The following EXD1 variants were observed in gnomAD, a reference collection of about 807,000 sequenced individuals.
EXD1 encodes the protein exonuclease 3'-5' domain containing 1, also known as piRNA biogenesis protein EXD1.
A neutral mutation model predicts 49.1 loss-of-function variants in EXD1; 63 were observed. The observed-to-expected ratio is 1.28, with a 90% CI of 1.05 to 1.58. The LOEUF (loss-of-function observed/expected upper bound fraction) is 1.58, where lower values mean the gene tolerates loss of function less well. EXD1 is among the 40% of genes most tolerant of loss of function. EXD1 has a pLI of 0.00. For missense variants in EXD1, 748 were observed against 666.0 expected, an observed-to-expected ratio of 1.12 and a Z score of -1.36; for synonymous variants, 234 against 239.2, an observed-to-expected ratio of 0.98 and a Z score of 0.20.
At chr15:41,224,005 T>C (rs868589500) in intron 2 of EXD1, among the ~76,000 whole-genome samples, 2 of 152,266 alleles carry the variant, frequency 1.3e-5, no homozygotes, top group African/African-American at 4.8e-5. Context: ...TAGGTTAGAC[T>C]AAGTTCTCAC....
chr15:41,223,943 A>T (rs2047126137), intron 2 of EXD1, among the ~76,000 whole-genome samples: 1 of 152,092 alleles, frequency 6.6e-6, no homozygotes, highest in Non-Finnish European at 1.5e-5. Flanking sequence ...GGCTGGCCTT[A>T]AACTCCTGGC....
chr15:41,196,608 G>A (rs1453835521), intron 7 of EXD1, among the ~76,000 whole-genome samples: 1 of 151,552 alleles, frequency 6.6e-6, no homozygotes, highest in Non-Finnish European at 1.5e-5. Context: ...GAGCGTCCAT[G>A]TCCAGTGAGA....
chr15:41,191,670 TA>T, intron 9 of EXD1, 85 bp from the exon 10 acceptor site: 1 of 1,328,688 alleles, frequency 7.5e-7, no homozygotes, highest in South Asian at 1.5e-5. Context: ...GAGAAATGTC[TA>T]AATAACATTT....
At position 41,184,224 on chromosome 15, in the gene EXD1, C is replaced by G. The variant is rs150875623; in HGVS notation, c.1426G>C (p.Gly476Arg). The change falls in exon 12 of 12, where the codon GGG becomes CGG. Residue 476 changes from glycine (G) to arginine (R), a missense_variant. Transcript: ENST00000458580. ...TGAGTTATTCTCTGGTCCTCTGACC[C>G]CTTTGACTTTGTGCAAATGAGTTTG... is the stretch of plus-strand genomic sequence containing the variant. Reference protein sequence around the residue: ...SNKLICTKSKGSEDQRITQKE... With the variant: ...SNKLICTKSKRSEDQRITQKE... 57 of 1,614,170 alleles carry G rather than the reference C, an allele frequency of 3.5e-5. No homozygotes were observed. The East Asian group carries it at 6.2e-4, about 18-fold the overall frequency.
rs1443102955 is a variant in EXD1 at position 41,196,022 on chromosome 15, G to A, written c.550C>T (p.Arg184Ter). The A allele has an allele frequency of 2.6e-5, 42 of 1,612,106 alleles. No individual in the cohort carries two copies. The highest frequency in any genetic ancestry group is 3.2e-5 in the Non-Finnish European group (38 of 1,179,360). The change falls in exon 8 of 12, where the codon CGA becomes TGA. Residue 184 changes from arginine (R) to a stop codon, truncating the protein, a stop_gained. Transcript: ENST00000458580. LOFTEE classifies it high-confidence loss of function. Reference protein sequence around the residue: ...LCWLQVATNCRVYLFDIFLLG... With the variant: ...LCWLQVATNC ...AGGAAAATGTCAAATAAGTAAACTC[G>A]GCAATTTGTGGCCACCTACAATAGA...
intron 7 of EXD1, among the ~76,000 whole-genome samples, chr15:41,197,229 C>CTTTTTTT (rs976999245): frequency 3.8e-5 from 5 of 133,182 alleles, no homozygotes; most frequent in African/African-American, 5.5e-5. Context: ...TTTCTTTTTT[C>CTTTTTTT]TTTTTTTTTT....
At chr15:41,205,885 T>C (rs2046815247) in intron 7 of EXD1, among the ~76,000 whole-genome samples, 1 of 149,574 alleles carries the variant, frequency 6.7e-6, no homozygotes. Context: ...TGGTCTTTTT[T>C]TTTTTTTTTT....
At chr15:41,186,509 T>C (rs1281716930) in intron 11 of EXD1, among the ~76,000 whole-genome samples, 1 of 122,360 alleles carries the variant, frequency 8.2e-6, no homozygotes, top group African/African-American at 2.7e-5. Context: ...AAAAGAATGG[T>C]TGCATTTGAA....
At chr15:41,190,343 C>T (rs1169963884) in intron 10 of EXD1, 3 of 464,560 alleles carry the variant, frequency 6.5e-6, no homozygotes, top group African/African-American at 2.0e-5. Flanking sequence ...CATGGTGGCA[C>T]GCGCCTGTAG....
chr15:41,214,183 C>G (rs1312432788), intron 6 of EXD1, among the ~76,000 whole-genome samples: 1 of 151,844 alleles, frequency 6.6e-6, no homozygotes, highest in Non-Finnish European at 1.5e-5. Flanking sequence ...CAAAACAAAA[C>G]AAAAACCTTT....
Position 41,186,882 on chromosome 15 carries a change from C to CT in EXD1, c.1057-2290dup, listed in dbSNP as rs774036405. 2.4e-3 allele frequency among the ~76,000 whole-genome samples: 321 copies of CT among 133,478 alleles called. 1 individual carries two copies. The highest frequency in any genetic ancestry group is 7.3e-3 in the African/African-American group (260 of 35,802). 87.6% of individuals were successfully genotyped at this position (133,478 alleles called of 152,430 possible). The stretch of plus-strand genomic sequence containing the variant: ...CTCCACCTCCTGGGTTCAAGCGATT[C>CT]TTTTTTTTTTTCTTTTTTTTTTTTT... On this transcript the variant is annotated intron_variant, in intron 11 of 11. Coordinates refer to ENST00000458580, the MANE Select transcript of EXD1 (RefSeq NM_001286441.2).
At chr15:41,191,703 G>A in intron 9 of EXD1, 118 bp from the exon 10 acceptor site, 1 of 894,974 alleles carries the variant, frequency 1.1e-6, no homozygotes, top group Non-Finnish European at 1.6e-6. Flanking sequence ...CCACACGATA[G>A]ACCATGTCAT....
intron 6 of EXD1, among the ~76,000 whole-genome samples, chr15:41,213,500 G>C (rs1356643013): frequency 4.3e-5 from 5 of 116,348 alleles, no homozygotes; most frequent in African/African-American, 2.5e-4. Flanking sequence ...TGTCCAGCCA[G>C]TTTTTGTTTT....
intron 2 of EXD1, among the ~76,000 whole-genome samples, chr15:41,221,136 G>A (rs924726074): frequency 2.0e-5 from 3 of 152,080 alleles, no homozygotes; most frequent in Non-Finnish European, 4.4e-5. Context: ...CAAATTTCCA[G>A]TAACATAATA....
At chr15:41,216,636 A>T (rs780825433) in intron 5 of EXD1, 32 bp downstream of exon 5, 2 of 1,583,208 alleles carry the variant, frequency 1.3e-6, no homozygotes, top group East Asian at 2.2e-5. Flanking sequence ...CATCTCAAAA[A>T]AAAAAAGAAA....
intron 1 of EXD1, 24 bp downstream of exon 1, chr15:41,230,455 A>G: frequency 6.2e-7 from 1 of 1,605,572 alleles, no homozygotes; most frequent in Non-Finnish European, 8.5e-7. Flanking sequence ...AGACAAAATA[A>G]GGAACTTCAA....
chr15:41,211,029 C>T (rs2046913743), intron 6 of EXD1, among the ~76,000 whole-genome samples: 1 of 152,126 alleles, frequency 6.6e-6, no homozygotes, highest in Non-Finnish European at 1.5e-5. Flanking sequence ...TCCTAATTAC[C>T]TCTTCAAACT....
Position 41,217,142 on chromosome 15 carries a change from T to C in EXD1, c.215A>G (p.Asp72Gly). 6.2e-7 allele frequency: 1 copy of C among 1,612,340 alleles called. No homozygotes were observed. Among genetic ancestry groups the C allele is most frequent in the South Asian group, 1.1e-5 (1 of 91,044 alleles). The change falls in exon 4 of 12, where the codon GAT becomes GGT. Residue 72 changes from aspartate (D) to glycine (G), a missense_variant. Physicochemically the swap from Asp to Gly is moderately conservative, Grantham distance 94. Coordinates refer to ENST00000458580, the MANE Select transcript of EXD1 (RefSeq NM_001286441.2). ...TCTCACTGAGCCTTGTTCCACTTCA[T>C]CTAGTAGTTCCACTGTAAAATAACC... ...GHEIVNVELLDEVEQGSVRAK... is the reference protein window; with the variant it reads ...GHEIVNVELLGEVEQGSVRAK...
chr15:41,193,673 G>C (rs376011009), intron 9 of EXD1, among the ~76,000 whole-genome samples: 1 of 151,770 alleles, frequency 6.6e-6, no homozygotes, highest in Non-Finnish European at 1.5e-5. Context: ...CCAGGACTTC[G>C]AGGCCACATT....
Sources: gnomAD v4.1 joint callset for allele counts (sites outside exome capture counted in the v4.1 genomes callset) on GRCh38, gnomAD v4.1.1 for gene constraint, MANE v1.5 for transcripts, NCBI Gene and HGNC (gene_info 2026-07-23, HGNC 2026-07-21) for gene names.